The following RALYL variants were observed in gnomAD, a reference collection of about 807,000 sequenced individuals.
RALYL encodes RALY RNA binding protein like.
A neutral mutation model predicts 35.1 loss-of-function variants in RALYL; 29 were observed. The ratio of observed to expected loss-of-function variants is 0.83; its 90% CI spans 0.61 to 1.13. The LOEUF is 1.13. RALYL is among the 50% of genes most tolerant of loss of function. The pLI, the probability that RALYL is intolerant of heterozygous loss-of-function variation, is 0.00. For missense variants in RALYL, 359 were observed against 360.4 expected, an observed-to-expected ratio of 1.00 and a Z score of 0.03; for synonymous variants, 120 against 127.6, an observed-to-expected ratio of 0.94 and a Z score of 0.40.
intron 2 of RALYL, among the ~76,000 whole-genome samples, chr8:84,749,748 G>T (rs1395578428): frequency 6.6e-6 from 1 of 152,166 alleles, no homozygotes; most frequent in African/African-American, 2.4e-5. Context: ...ATAAGCAACA[G>T]GCAGATGTAT....
At chr8:84,379,104 C>A (rs189568658) in intron 1 of RALYL, among the ~76,000 whole-genome samples, 1 of 151,762 alleles carries the variant, frequency 6.6e-6, no homozygotes. Flanking sequence ...CAGGCTTCAG[C>A]CTAGGAGAAG....
intron 1 of RALYL, among the ~76,000 whole-genome samples, chr8:84,446,035 T>C (rs2048815985): frequency 6.6e-6 from 1 of 152,002 alleles, no homozygotes; most frequent in Non-Finnish European, 1.5e-5. Flanking sequence ...ATGACAAATT[T>C]AGATTTCCTT....
At chr8:84,504,301 C>T (rs2056974039) in intron 1 of RALYL, among the ~76,000 whole-genome samples, 3 of 151,968 alleles carry the variant, frequency 2.0e-5, no homozygotes. Context: ...TTGATAGAAA[C>T]TAAATTTTTG....
intron 2 of RALYL, among the ~76,000 whole-genome samples, chr8:84,675,745 G>A (rs141565963): frequency 1.5e-3 from 227 of 152,044 alleles, no homozygotes; most frequent in African/African-American, 4.8e-3. Context: ...TCTCCTTGGC[G>A]TTTCACCATA....
intron 2 of RALYL, among the ~76,000 whole-genome samples, chr8:84,560,441 A>G (rs2061407326): frequency 6.6e-6 from 1 of 152,050 alleles, no homozygotes; most frequent in Non-Finnish European, 1.5e-5. Context: ...AAGCTTGTGA[A>G]GGGACAATAC....
At chr8:84,302,404 G>T (rs1373686019) in intron 1 of RALYL, among the ~76,000 whole-genome samples, 1 of 152,116 alleles carries the variant, frequency 6.6e-6, no homozygotes, top group Non-Finnish European at 1.5e-5. Flanking sequence ...TCCTGCTCAC[G>T]TCCCTCTTTT....
chr8:84,662,028 A>C (rs529998741), intron 2 of RALYL, among the ~76,000 whole-genome samples: 1 of 152,008 alleles, frequency 6.6e-6, no homozygotes, highest in Non-Finnish European at 1.5e-5. Flanking sequence ...AAGACCTCCA[A>C]ATTTAGTTCT....
At chr8:84,742,290 G>A (rs193233807) in intron 2 of RALYL, among the ~76,000 whole-genome samples, 88 of 151,974 alleles carry the variant, frequency 5.8e-4, no homozygotes, top group African/African-American at 1.7e-3. Context: ...AGATAAAATA[G>A]TGTTTTTAAA....
intron 2 of RALYL, among the ~76,000 whole-genome samples, chr8:84,559,725 A>G (rs916622284): frequency 2.6e-5 from 4 of 152,048 alleles, no homozygotes; most frequent in African/African-American, 9.7e-5. Context: ...TTATTTCAGG[A>G]TTTAAGGGGC....
chr8:84,442,652 C>T (rs770708137), intron 1 of RALYL, among the ~76,000 whole-genome samples: 3 of 152,090 alleles, frequency 2.0e-5, no homozygotes, highest in Non-Finnish European at 4.4e-5. Context: ...CTTCTTCCCT[C>T]ACAGGAAACA....
chr8:84,836,827 CCTGCATTATTTTTACATTATATCTT>C (rs1312097669), intron 4 of RALYL, among the ~76,000 whole-genome samples: 1 of 152,126 alleles, frequency 6.6e-6, no homozygotes, highest in African/African-American at 2.4e-5. Context: ...TGAATTATAT[CCTGCATTATTTTTACATTATATCTT>C]CTGCATTCAT....
At chr8:84,443,730 C>T (rs549648862) in intron 1 of RALYL, among the ~76,000 whole-genome samples, 20 of 152,166 alleles carry the variant, frequency 1.3e-4, no homozygotes, top group African/African-American at 4.6e-4. Context: ...ACAGTATCTT[C>T]TTCTTTGAAT....
intron 2 of RALYL, among the ~76,000 whole-genome samples, chr8:84,680,401 A>T (rs934521110): frequency 5.9e-5 from 9 of 152,030 alleles, no homozygotes; most frequent in Admixed American, 2.6e-4. Context: ...TATTTCTAGT[A>T]CTAGATCCCT....
chr8:84,790,661 T>G (rs1820558638), intron 3 of RALYL, among the ~76,000 whole-genome samples: 1 of 152,178 alleles, frequency 6.6e-6, no homozygotes, highest in Admixed American at 6.5e-5. Flanking sequence ...AGAATTTAAT[T>G]GAGCAAAAAA....
chr8:84,522,406 C>T (rs1443449359), intron 1 of RALYL, among the ~76,000 whole-genome samples: 3 of 151,848 alleles, frequency 2.0e-5, no homozygotes, highest in South Asian at 2.1e-4. Context: ...CCCGCCACTA[C>T]GCCCGGCTAA....
At chr8:84,668,817 G>T (rs887545395) in intron 2 of RALYL, among the ~76,000 whole-genome samples, 1 of 151,984 alleles carries the variant, frequency 6.6e-6, no homozygotes, top group Non-Finnish European at 1.5e-5. Context: ...GACAGAGAAG[G>T]ATATTAAAGG....
chr8:84,191,956 GATAAA>G (rs1459819010), intron 1 of RALYL, among the ~76,000 whole-genome samples: 1 of 152,022 alleles, frequency 6.6e-6, no homozygotes. Flanking sequence ...ATCAACAAGT[GATAAA>G]ATAATCAATT....
Position 84,389,556 on chromosome 8 carries a change from C to T in RALYL, c.-23-139743C>T, listed in dbSNP as rs537750247. Among the ~76,000 whole-genome samples, 3 of 150,950 alleles carry T rather than the reference C, an allele frequency of 2.0e-5. No homozygotes were observed. The East Asian group carries it at 5.9e-4, about 29-fold the overall frequency. On this transcript the variant is annotated intron_variant, in intron 1 of 8. Coordinates refer to ENST00000521268, the MANE Select transcript of RALYL (RefSeq NM_173848.7). ...TGTAGTTCTCCTTGAAGAGGTCCTT[C>T]ACATCCCTTGTAAGTTGGATTCCTA...
chr8:84,252,967 A>G (rs1830482258), intron 1 of RALYL, among the ~76,000 whole-genome samples: 2 of 151,996 alleles, frequency 1.3e-5, no homozygotes, highest in South Asian at 2.1e-4. Context: ...GAGTCTTCTC[A>G]TTTGTAATTT....
Sources: gnomAD v4.1 joint callset for allele counts (sites outside exome capture counted in the v4.1 genomes callset) on GRCh38, gnomAD v4.1.1 for gene constraint, MANE v1.5 for transcripts, NCBI Gene and HGNC (gene_info 2026-07-23, HGNC 2026-07-21) for gene names.